Variants in COL5A2 observed in about 807,000 individuals in gnomAD.
COL5A2 encodes collagen type V alpha 2 chain.
COL5A2 carries 23 observed loss-of-function variants against 208.2 expected under a neutral mutation model. The observed-to-expected ratio is 0.11, with a 90% CI of 0.08 to 0.16. COL5A2 has a LOEUF of 0.16. COL5A2 is among the 10% of genes least tolerant of loss of function. COL5A2 has a pLI of 1.00. For synonymous variants in COL5A2, 625 were observed against 628.5 expected (o/e 0.99, Z 0.08); for missense variants, 1,590 against 1,956.4 (o/e 0.81, Z 3.53).
chr2:189,190,757 T>C (rs531599586), intron 1 of COL5A2, among the ~76,000 whole-genome samples: 22 of 152,348 alleles, frequency 1.4e-4, no homozygotes, highest in African/African-American at 5.0e-4. Flanking sequence ...AAATGTGACT[T>C]ATTCATCCTA....
intron 37 of COL5A2, 81 bp downstream of exon 37, chr2:189,053,814 T>A: frequency 2.4e-6 from 3 of 1,231,576 alleles, no homozygotes; most frequent in Non-Finnish European, 3.5e-6. Context: ...AAGCATTGTT[T>A]TATATAAATA....
the COL5A2 span, among the ~76,000 whole-genome samples, chr2:189,325,808 G>A: frequency 6.6e-6 from 1 of 152,052 alleles, no homozygotes; most frequent in Non-Finnish European, 1.5e-5. Context: ...ATAGAAAAAG[G>A]TTAGAAGGCC....
At chr2:189,433,397 G>C in the COL5A2 span, among the ~76,000 whole-genome samples, 1 of 152,084 alleles carries the variant, frequency 6.6e-6, no homozygotes, top group African/African-American at 2.4e-5. Context: ...CCAGGAGCTG[G>C]TTTTTTGAAA....
the COL5A2 span, among the ~76,000 whole-genome samples, chr2:189,373,626 A>ATATATAATATATAATAT: frequency 3.9e-5 from 6 of 152,304 alleles, no homozygotes; most frequent in South Asian, 1.2e-3. Context: ...TATAGCTGTA[A>ATATATAATATATAATAT]ATAATCAGAC....
the COL5A2 span, among the ~76,000 whole-genome samples, chr2:189,379,373 C>T: frequency 6.6e-6 from 1 of 152,146 alleles, no homozygotes; most frequent in Non-Finnish European, 1.5e-5. Flanking sequence ...TAAAAGTATA[C>T]TTAACTGCTG....
chr2:189,144,910 A>G (rs1688008863), intron 1 of COL5A2, among the ~76,000 whole-genome samples: 1 of 152,136 alleles, frequency 6.6e-6, no homozygotes, highest in Non-Finnish European at 1.5e-5. Context: ...TGCCAAATTA[A>G]TAAGATGAGA....
the COL5A2 span, among the ~76,000 whole-genome samples, chr2:189,232,351 C>T: frequency 7.2e-4 from 109 of 151,590 alleles, 2 homozygotes; most frequent in Non-Finnish European, 4.3e-4. Flanking sequence ...TACCTCACAT[C>T]GGGTAATAAC....
intron 1 of COL5A2, among the ~76,000 whole-genome samples, chr2:189,157,686 C>A (rs753882099): frequency 1.3e-5 from 2 of 151,908 alleles, no homozygotes; most frequent in Non-Finnish European, 2.9e-5. Flanking sequence ...GCTAATTCTT[C>A]AGTGGAATTA....
At position 189,085,171 on chromosome 2, in the gene COL5A2, G is replaced by T. The variant is rs1452823814; in HGVS notation, c.787C>A (p.Pro263Thr). The part of the protein sequence containing the change: ...SRGPEGPPGK[P>T]GEDGEPGRNG... ...GAAAGGTAGCTTACATCTTCCCCAGGTTTACCAGGAGGGCCCTCTGGTCCA... is the reference window on the plus strand; with the variant it reads ...GAAAGGTAGCTTACATCTTCCCCAGTTTTACCAGGAGGGCCCTCTGGTCCA... The change falls in exon 11 of 54, where the codon CCT becomes ACT. Residue 263 changes from proline (P) to threonine (T), a missense_variant. Transcript: ENST00000374866. 6.2e-7 allele frequency: 1 copy of T among 1,612,164 alleles called. No homozygotes were observed. The highest frequency in any genetic ancestry group is 1.3e-5 in the African/African-American group (1 of 74,884).
At chr2:189,124,330 A>T (rs894142845) in intron 1 of COL5A2, among the ~76,000 whole-genome samples, 1 of 152,122 alleles carries the variant, frequency 6.6e-6, no homozygotes, top group Non-Finnish European at 1.5e-5. Context: ...CTCACAGGAT[A>T]TTGATGGGGG....
At chr2:189,229,186 C>T (rs1203057610), upstream of COL5A2, among the ~76,000 whole-genome samples, 2 of 151,598 alleles carry the variant, frequency 1.3e-5, no homozygotes, top group African/African-American at 2.4e-5. Context: ...ACAACAAGTC[C>T]ACAGTGAACA....
intron 1 of COL5A2, among the ~76,000 whole-genome samples, chr2:189,217,201 T>C (rs976715867): frequency 6.6e-6 from 1 of 152,208 alleles, no homozygotes; most frequent in African/African-American, 2.4e-5. Flanking sequence ...CATCTTGTTA[T>C]CATAGAAAGA....
intron 1 of COL5A2, among the ~76,000 whole-genome samples, chr2:189,187,444 T>C (rs1183425540): frequency 6.6e-6 from 1 of 152,152 alleles, no homozygotes; most frequent in African/African-American, 2.4e-5. Flanking sequence ...ACTACCTGGG[T>C]CATGATGAAA....
At chr2:189,078,366 G>T (rs571552888) in intron 16 of COL5A2, 150 bp downstream of exon 16, 2 of 699,868 alleles carry the variant, frequency 2.9e-6, no homozygotes, top group African/African-American at 3.8e-5. Flanking sequence ...CAACTTTTCT[G>T]TAAACCTGAC....
At chr2:189,080,947 CT>C in intron 13 of COL5A2, 42 bp downstream of exon 13, 2 of 1,542,268 alleles carry the variant, frequency 1.3e-6, no homozygotes, top group South Asian at 2.2e-5. Context: ...AGCCTGTTCA[CT>C]AAACCACAGT....
chr2:189,109,877 C>G (rs1372283428), intron 2 of COL5A2, among the ~76,000 whole-genome samples: 1 of 152,134 alleles, frequency 6.6e-6, no homozygotes, highest in African/African-American at 2.4e-5. Flanking sequence ...GATCTTCTCT[C>G]AGGCATTAAT....
At chr2:189,362,767 A>G in the COL5A2 span, among the ~76,000 whole-genome samples, 2 of 152,176 alleles carry the variant, frequency 1.3e-5, no homozygotes, top group Non-Finnish European at 2.9e-5. Flanking sequence ...CAAATGAAAG[A>G]GTAGAACAGA....
chr2:189,083,871 T>C (rs1686592991), intron 12 of COL5A2, 113 bp downstream of exon 12: 8 of 811,184 alleles, frequency 9.9e-6, no homozygotes, highest in Admixed American at 3.8e-5. Context: ...AAACAAACAA[T>C]GCTGTTTGTC....
At position 189,078,656 on chromosome 2, in the gene COL5A2, T is replaced by C. The variant is rs1477311012; in HGVS notation, c.1006-87A>G. 5 of 1,072,096 alleles carry C rather than the reference T, an allele frequency of 4.7e-6. No homozygotes were observed. In the African/African-American group the frequency reaches 6.2e-5, roughly 13 times the overall value. 66.4% of individuals were successfully genotyped at this position (1,072,096 alleles called of 1,614,324 possible). A position where few individuals can be genotyped will look rare whatever the true frequency, so the allele number is the denominator to read the frequency against. On this transcript the variant is annotated intron_variant, in intron 15 of 53. Coordinates refer to ENST00000374866, the MANE Select transcript of COL5A2 (RefSeq NM_000393.5). ...ACTACCCCACTCAATCCAATTGAGATTCAAGATAATTGGCCACCAAGCAGT... is the reference window on the plus strand; with the variant it reads ...ACTACCCCACTCAATCCAATTGAGACTCAAGATAATTGGCCACCAAGCAGT...
Sources: allele counts gnomAD v4.1 joint callset (sites outside exome capture counted in the v4.1 genomes callset), GRCh38; gene constraint gnomAD v4.1.1; transcripts MANE v1.5; gene names NCBI Gene and HGNC (gene_info 2026-07-23, HGNC 2026-07-21).